SAMD8: variants seen among roughly 807,000 people sequenced by gnomAD.
SAMD8 encodes sphingomyelin synthase-related protein 1.
A neutral mutation model predicts 42.0 loss-of-function variants in SAMD8; 20 were observed. The observed-to-expected ratio is 0.48, with a 90% CI of 0.34 to 0.69. The LOEUF (loss-of-function observed/expected upper bound fraction) is 0.69, where lower values mean the gene tolerates loss of function less well. Among genes scored for constraint, SAMD8 ranks in the 30% least tolerant of loss-of-function variants. The probability of loss-of-function intolerance (pLI) is 0.01; values close to 1 mark genes in which losing one functional copy is unlikely to be tolerated. For synonymous variants in SAMD8, 162 were observed against 173.0 expected (o/e 0.94, Z 0.50); for missense variants, 328 against 511.6 (o/e 0.64, Z 3.46).
chr10:75,108,127 G>C (rs780828456), upstream of SAMD8: 1 of 1,613,700 alleles, frequency 6.2e-7, no homozygotes, highest in South Asian at 1.1e-5. Flanking sequence ...GGGCCGCCCT[G>C]ACAGTAGAGG....
At chr10:75,141,260 G>A (rs528902770) in intron 1 of SAMD8, among the ~76,000 whole-genome samples, 30 of 151,952 alleles carry the variant, frequency 2.0e-4, no homozygotes, top group African/African-American at 6.7e-4. Flanking sequence ...AGGCTGAAGT[G>A]GGAGAATGGC....
At position 75,161,894 on chromosome 10, in the gene SAMD8, A is replaced by G. The variant is rs959133672; in HGVS notation, c.579-2751A>G. On this transcript the variant is annotated intron_variant, in intron 2 of 5. Coordinates refer to ENST00000542569, the MANE Select transcript of SAMD8 (RefSeq NM_001174156.2). ...TCTACTAAAAATGCAAAAATTAGCCAGGCGTGGTGGCAGGTGCCTATAATC... is the reference window on the plus strand; with the variant it reads ...TCTACTAAAAATGCAAAAATTAGCCGGGCGTGGTGGCAGGTGCCTATAATC... 7.2e-5 allele frequency among the ~76,000 whole-genome samples: 11 copies of G among 152,050 alleles called. No individual in the cohort carries two copies. The East Asian group carries it at 1.9e-3, about 27-fold the overall frequency.
chr10:75,173,873 C>T (rs1330233286), intron 4 of SAMD8, among the ~76,000 whole-genome samples: 2 of 152,144 alleles, frequency 1.3e-5, no homozygotes, highest in Non-Finnish European at 2.9e-5. Flanking sequence ...GGTTCACATC[C>T]TGACTGTGTT....
At chr10:75,161,963 A>C (rs1187284025) in intron 2 of SAMD8, among the ~76,000 whole-genome samples, 3 of 150,892 alleles carry the variant, frequency 2.0e-5, no homozygotes, top group Non-Finnish European at 4.5e-5. Flanking sequence ...GCTTGAACCC[A>C]GGAGGCAGAA....
chr10:75,112,215 C>T (rs1408457553), intron 1 of SAMD8, among the ~76,000 whole-genome samples: 1 of 152,086 alleles, frequency 6.6e-6, no homozygotes, highest in African/African-American at 2.4e-5. Flanking sequence ...TCTTATCCGC[C>T]TCCCACCCCG....
At chr10:75,164,890 AG>A (rs1453453803) in intron 3 of SAMD8, 150 bp downstream of exon 3, 2 of 642,184 alleles carry the variant, frequency 3.1e-6, no homozygotes, top group Non-Finnish European at 5.4e-6. Context: ...GAGTTTGATC[AG>A]TAAGAGTCAG....
chr10:75,112,827 T>C (rs1400690815), intron 1 of SAMD8, among the ~76,000 whole-genome samples: 1 of 152,212 alleles, frequency 6.6e-6, no homozygotes, highest in African/African-American at 2.4e-5. Context: ...CTGGTTCCAC[T>C]TTCAAAGTTT....
chr10:75,141,574 C>T (rs926321980), intron 1 of SAMD8, among the ~76,000 whole-genome samples: 1 of 147,520 alleles, frequency 6.8e-6, no homozygotes, highest in African/African-American at 2.5e-5. Context: ...TGGAGTCTCA[C>T]TCTGTCTCCC....
At chr10:75,169,789 A>G (rs1230972223) in intron 4 of SAMD8, among the ~76,000 whole-genome samples, 1 of 151,964 alleles carries the variant, frequency 6.6e-6, no homozygotes, top group Non-Finnish European at 1.5e-5. Flanking sequence ...GGCACCTGTA[A>G]TCCCAGGTAC....
At chr10:75,150,414 C>G in intron 1 of SAMD8, 100 bp from the exon 2 acceptor site, 2 of 1,467,764 alleles carry the variant, frequency 1.4e-6, no homozygotes, top group Non-Finnish European at 9.0e-7. Flanking sequence ...TGAGCCACTG[C>G]GCCTGGCCTG....
At chr10:75,139,151 TACAG>T (rs1280839528) in intron 1 of SAMD8, among the ~76,000 whole-genome samples, 3 of 151,566 alleles carry the variant, frequency 2.0e-5, no homozygotes, top group Admixed American at 2.0e-4. Context: ...GCATTTTTAA[TACAG>T]ACAGGGTTTC....
At chr10:75,146,603 A>G (rs983665689) in intron 1 of SAMD8, among the ~76,000 whole-genome samples, 1 of 151,918 alleles carries the variant, frequency 6.6e-6, no homozygotes, top group African/African-American at 2.4e-5. Context: ...TTTTTTCCCC[A>G]TATATTTTGT....
intron 4 of SAMD8, among the ~76,000 whole-genome samples, chr10:75,170,770 G>GTTTT (rs34290557): frequency 8.6e-5 from 9 of 105,194 alleles, no homozygotes; most frequent in South Asian, 3.2e-4. Context: ...GTTTTTTTGG[G>GTTTT]TTTTTTTTTT....
In SAMD8 at chr10:75,181,888, A is replaced by ACG. The variant is rs1228201589; in HGVS notation, c.*5197_*5198dup. 6.6e-6 allele frequency: 1 copy of ACG among 152,204 alleles called. No homozygotes were observed. The highest frequency in any genetic ancestry group is 1.5e-5 in the Non-Finnish European group (1 of 68,038). 9.4% of individuals were successfully genotyped at this position (152,204 alleles called of 1,614,324 possible). On this transcript the variant is annotated 3_prime_UTR_variant, in exon 6 of 6. Transcript: ENST00000542569. Reference sequence around the variant, plus strand: ...GGAAGCAAAATTAGCTGGGACTAAAACGGACATGTTTTGTTTTGTGAATTC... The same window carrying ACG: ...GGAAGCAAAATTAGCTGGGACTAAAACGCGGACATGTTTTGTTTTGTGAATTC...
chr10:75,180,598 G>A lies in SAMD8; in HGVS notation c.*3906G>A, dbSNP rs1432122180. On this transcript the variant is annotated 3_prime_UTR_variant, in exon 6 of 6. Coordinates refer to ENST00000542569, the MANE Select transcript of SAMD8 (RefSeq NM_001174156.2). The stretch of plus-strand genomic sequence containing the variant: ...AAACAAAACAAAATAAAATAATAAT[G>A]TGGGCTATTCAGAAGAAAAAGTCAG... 1.3e-5 allele frequency: 2 copies of A among 152,188 alleles called. No individual in the cohort carries two copies. The highest frequency in any genetic ancestry group is 2.1e-4 in the South Asian group (1 of 4,830). The allele number at this position is 152,188 out of a possible 1,614,324, so 9.4% of individuals were successfully genotyped here. A position where few individuals can be genotyped will look rare whatever the true frequency, so the allele number is the denominator to read the frequency against.
At chr10:75,110,072 C>T (rs571972787), upstream of SAMD8, among the ~76,000 whole-genome samples, 8 of 152,320 alleles carry the variant, frequency 5.3e-5, no homozygotes, top group Non-Finnish European at 1.2e-4. Context: ...CTGCCTCGGC[C>T]TCCCAAAGTA....
chr10:75,135,974 T>C, intron 1 of SAMD8, among the ~76,000 whole-genome samples: 1 of 152,182 alleles, frequency 6.6e-6, no homozygotes, highest in East Asian at 1.9e-4. Flanking sequence ...AGTAATCATC[T>C]TGATTACTCT....
rs753267512 is a variant in SAMD8 at position 75,179,799 on chromosome 10, G to C, written c.*3107G>C. ...TTATGTTTACATTTTATCTGTGAAT[G>C]TGGCTAAGCAGAGAAGCTACATGGC... On this transcript the variant is annotated 3_prime_UTR_variant, in exon 6 of 6. Transcript: ENST00000542569. 2 of 152,274 alleles carry C rather than the reference G, an allele frequency of 1.3e-5. No homozygotes were observed. The highest frequency in any genetic ancestry group is 4.1e-4 in the South Asian group (2 of 4,832). 9.4% of individuals were successfully genotyped at this position (152,274 alleles called of 1,614,324 possible).
intron 4 of SAMD8, among the ~76,000 whole-genome samples, chr10:75,174,545 C>T (rs1477757365): frequency 6.6e-6 from 1 of 151,272 alleles, no homozygotes; most frequent in African/African-American, 2.4e-5. Context: ...AGAGATTTTC[C>T]TGCCTCAGTC....
Sources: allele counts gnomAD v4.1 joint callset (sites outside exome capture counted in the v4.1 genomes callset), GRCh38; gene constraint gnomAD v4.1.1; transcripts MANE v1.5; gene names NCBI Gene and HGNC (gene_info 2026-07-23, HGNC 2026-07-21).